HUWE1: variants seen among roughly 807,000 people sequenced by gnomAD.
HUWE1 encodes the protein E3 ubiquitin-protein ligase HUWE1.
HUWE1 carries 18 observed loss-of-function variants against 299.4 expected under a neutral mutation model. The observed-to-expected ratio is 0.06, with a 90% CI of 0.04 to 0.09. The LOEUF is 0.09. Ranked by LOEUF, HUWE1 falls within the 10% of genes least tolerant of loss-of-function variation. The probability of loss-of-function intolerance (pLI) is 1.00; values close to 1 mark genes in which losing one functional copy is unlikely to be tolerated. For synonymous variants in HUWE1, 1,317 were observed against 1,286.1 expected, an observed-to-expected ratio of 1.02 and a Z score of -0.51; for missense variants, 1,832 against 3,462.3, an observed-to-expected ratio of 0.53 and a Z score of 11.82.
At chrX:53,603,784 G>GT (rs1387744760) in intron 26 of HUWE1, among the ~76,000 whole-genome samples, 1 of 112,110 alleles carries the variant, frequency 8.9e-6, no homozygotes, top group African/African-American at 3.2e-5. Context: ...CAAAGAAATG[G>GT]TTTTACAGGT....
chrX:53,604,102 T>A (rs1389050560), intron 26 of HUWE1, among the ~76,000 whole-genome samples: 1 of 111,847 alleles, frequency 8.9e-6, no homozygotes, highest in Non-Finnish European at 1.9e-5. Flanking sequence ...ATACCATAAA[T>A]CTTTAGAATC....
In HUWE1 at chrX:53,537,430, T is replaced by A. The variant is rs782110992; in HGVS notation, c.12137+126A>T. On this transcript the variant is annotated intron_variant, in intron 78 of 83. Coordinates refer to ENST00000262854, the MANE Select transcript of HUWE1 (RefSeq NM_031407.7). ...TCAGTAAGATTATCTAAAACCAGAT[T>A]CCTATGGGGAATTCCTATTAGGGAG... 3 of 727,627 alleles carry A rather than the reference T, an allele frequency of 4.1e-6. No homozygotes were observed. In the Admixed American group the frequency reaches 7.9e-5, roughly 19 times the overall value. The allele number at this position is 727,627 out of a possible 1,213,427, so 60.0% of individuals were successfully genotyped here.
chrX:53,556,141 A>T, intron 60 of HUWE1: 1 of 339,121 alleles, frequency 2.9e-6, no homozygotes, highest in Non-Finnish European at 5.9e-6. Flanking sequence ...GTCCCCTTCC[A>T]TGTCTCTTTT....
rs1175668846 is a variant in HUWE1, at chrX:53,645,736, AATATAT to A, written c.352-279_352-274del. The stretch of plus-strand genomic sequence containing the variant: ...TCAAAAAAAGAAAAAAAAAAAAAAA[AATATAT>A]ATATATATATATATATATATATATA... On this transcript the variant is annotated intron_variant, in intron 6 of 83. Transcript: ENST00000262854. Among the ~76,000 whole-genome samples, 146 of 26,056 alleles carry A rather than the reference AATATAT, an allele frequency of 5.6e-3. 1 individual carries two copies. Among genetic ancestry groups the A allele is most frequent in the African/African-American group, 0.013 (88 of 6,596 alleles). The allele number at this position is 26,056 out of a possible 115,157, so 22.6% of individuals were successfully genotyped here.
chrX:53,683,956 A>C (rs1490992095), intron 2 of HUWE1: 7 of 287,575 alleles, frequency 2.4e-5, no homozygotes, highest in Non-Finnish European at 4.2e-5. Context: ...CGAGCCGAAG[A>C]CCTTGCCGCC....
chrX:53,578,826 C>T (rs1268804669), intron 43 of HUWE1, among the ~76,000 whole-genome samples: 3 of 78,184 alleles, frequency 3.8e-5, no homozygotes, highest in Non-Finnish European at 5.0e-5. Flanking sequence ...GCCCCCCGCC[C>T]GGCCAGCCGC....
chrX:53,641,528 CA>C (rs1378070413), intron 7 of HUWE1, among the ~76,000 whole-genome samples: 3 of 111,519 alleles, frequency 2.7e-5, no homozygotes, highest in Non-Finnish European at 5.7e-5. Flanking sequence ...TGAAGAGATT[CA>C]GGGGTAAACT....
chrX:53,640,220 T>C (rs1214211702), intron 7 of HUWE1, among the ~76,000 whole-genome samples: 1 of 110,865 alleles, frequency 9.0e-6, no homozygotes, highest in African/African-American at 3.3e-5. Context: ...ATTAGCCGGG[T>C]GTGGTGGTGC....
At chrX:53,564,828 A>T in intron 50 of HUWE1, 106 bp from the exon 51 acceptor site, 1 of 1,034,874 alleles carries the variant, frequency 9.7e-7, no homozygotes, top group Non-Finnish European at 1.4e-6. Context: ...CAAGTTTGTA[A>T]GTTCTCAGAG....
chrX:53,584,891 G>A, intron 40 of HUWE1, 121 bp downstream of exon 40: 1 of 769,159 alleles, frequency 1.3e-6, no homozygotes. Context: ...TATTTGATAA[G>A]CTAAAAAGAA....
rs1242257853 is a variant in HUWE1, at chrX:53,569,556, TAAG to T, written c.6524+57_6524+59del. 1.3e-4 allele frequency: 136 copies of T among 1,086,116 alleles called. No individual in the cohort carries two copies. The African/African-American group carries it at 1.7e-3, about 14-fold the overall frequency. 89.5% of individuals were successfully genotyped at this position (1,086,116 alleles called of 1,213,427 possible). ...TTCAAGTGCAAAACCACCCATGGACTAAGAAGAAGAATAAGGGGATGTTCTTGG... is the reference window on the plus strand; with the variant it reads ...TTCAAGTGCAAAACCACCCATGGACTAAGAAGAATAAGGGGATGTTCTTGG... On this transcript the variant is annotated intron_variant, in intron 48 of 83. Transcript: ENST00000262854.
intron 40 of HUWE1, 67 bp from the exon 41 acceptor site, chrX:53,584,412 G>A (rs1556971238): frequency 1.3e-5 from 12 of 892,584 alleles, no homozygotes; most frequent in Non-Finnish European, 1.8e-5. Context: ...GGGGAGGGGA[G>A]GGACATCTCC....
chrX:53,573,631 C>G, intron 47 of HUWE1, 119 bp downstream of exon 47: 1 of 614,941 alleles, frequency 1.6e-6, no homozygotes, highest in East Asian at 3.5e-5. Context: ...GATGCCTCTT[C>G]TCACTCATTA....
chrX:53,677,259 C>T (rs1379578197), intron 3 of HUWE1, among the ~76,000 whole-genome samples: 1 of 110,111 alleles, frequency 9.1e-6, no homozygotes, highest in Non-Finnish European at 1.9e-5. Context: ...GGAGTGGGGA[C>T]CAGCCAATCT....
intron 43 of HUWE1, among the ~76,000 whole-genome samples, chrX:53,577,681 A>G (rs1602770962): frequency 9.3e-6 from 1 of 107,377 alleles, no homozygotes; most frequent in South Asian, 3.9e-4. Flanking sequence ...GCCACGCCTG[A>G]CTGGTTTTCG....
intron 15 of HUWE1, among the ~76,000 whole-genome samples, chrX:53,628,264 G>A (rs2066647434): frequency 9.0e-6 from 1 of 110,765 alleles, no homozygotes; most frequent in Non-Finnish European, 1.9e-5. Context: ...ATGACCTCCT[G>A]ACCATTCTAC....
intron 19 of HUWE1, among the ~76,000 whole-genome samples, chrX:53,618,613 G>A (rs1348966373): frequency 5.7e-5 from 6 of 105,264 alleles, no homozygotes; most frequent in Non-Finnish European, 1.2e-4. Context: ...CGCCCAGGCT[G>A]GAGTACAGTG....
In HUWE1 at chrX:53,543,216, ACTT is replaced by A. The variant is rs2061422357; in HGVS notation, c.11379+622_11379+624del. On this transcript the variant is annotated intron_variant, in intron 73 of 83. Coordinates refer to ENST00000262854, the MANE Select transcript of HUWE1 (RefSeq NM_031407.7). ...ACCTTTCTTGGATCTTGGAAAGGTA[ACTT>A]ACATGTTGCAAGGACAGGAAAACAA... Among the ~76,000 whole-genome samples the A allele has an allele frequency of 3.6e-5, 4 of 110,828 alleles. No homozygotes were observed. The South Asian group carries it at 1.5e-3, about 43-fold the overall frequency.
chrX:53,658,931 G>A (rs950338797), intron 3 of HUWE1, among the ~76,000 whole-genome samples: 1 of 112,652 alleles, frequency 8.9e-6, no homozygotes, highest in Non-Finnish European at 1.9e-5. Context: ...CCTCACCACA[G>A]ACAGACAGAT....
Sources: allele counts gnomAD v4.1 joint callset (sites outside exome capture counted in the v4.1 genomes callset), GRCh38; gene constraint gnomAD v4.1.1; transcripts MANE v1.5; gene names NCBI Gene and HGNC (gene_info 2026-07-23, HGNC 2026-07-21).